The following EXOC6 variants were observed in gnomAD, a reference collection of about 807,000 sequenced individuals.
The protein encoded by EXOC6 is SEC15-like 1.
In EXOC6, 60 loss-of-function variants were observed where a neutral mutation model predicts 112.5. That is an observed-to-expected ratio of 0.53 (90% CI 0.43 to 0.66). EXOC6 has a LOEUF of 0.66. Ranked by LOEUF, EXOC6 falls within the 30% of genes least tolerant of loss-of-function variation. The pLI is 0.00. For missense variants in EXOC6, 855 were observed against 957.1 expected (o/e 0.89, Z 1.41); for synonymous variants, 295 against 308.0 (o/e 0.96, Z 0.44).
At chr10:92,939,626 C>T (rs1367627736) in intron 12 of EXOC6, among the ~76,000 whole-genome samples, 1 of 151,852 alleles carries the variant, frequency 6.6e-6, no homozygotes, top group Non-Finnish European at 1.5e-5. Flanking sequence ...TTTAGAGAGG[C>T]CTAGCTAGAG....
At chr10:92,916,207 A>G (rs1359192279) in intron 7 of EXOC6, among the ~76,000 whole-genome samples, 1 of 145,576 alleles carries the variant, frequency 6.9e-6, no homozygotes. Flanking sequence ...CTTACATGTG[A>G]ACACTTGTCT....
chr10:92,836,048 C>T (rs920600462), intron 1 of EXOC6, among the ~76,000 whole-genome samples: 2 of 152,124 alleles, frequency 1.3e-5, no homozygotes, highest in Non-Finnish European at 2.9e-5. Context: ...TGGTCAAGTG[C>T]CAGGTGCTAG....
chr10:92,920,523 C>T (rs1237260477), intron 8 of EXOC6, among the ~76,000 whole-genome samples: 1 of 152,098 alleles, frequency 6.6e-6, no homozygotes, highest in African/African-American at 2.4e-5. Context: ...TACCCATTAC[C>T]CACCCCTCCA....
At chr10:92,829,686 C>G (rs1846442546) in intron 1 of EXOC6, among the ~76,000 whole-genome samples, 1 of 152,140 alleles carries the variant, frequency 6.6e-6, no homozygotes, top group South Asian at 2.1e-4. Context: ...AGGCTGATAC[C>G]TACTGGGCTG....
intron 8 of EXOC6, 108 bp from the exon 9 acceptor site, chr10:92,928,231 T>G: frequency 3.4e-6 from 2 of 591,330 alleles, no homozygotes; most frequent in Non-Finnish European, 6.0e-6. Flanking sequence ...ATTAAACATT[T>G]ACATTCTAGT....
intron 1 of EXOC6, among the ~76,000 whole-genome samples, chr10:92,843,039 T>C (rs2133594314): frequency 6.6e-6 from 1 of 152,282 alleles, no homozygotes; most frequent in East Asian, 1.9e-4. Flanking sequence ...ATAAAAATAG[T>C]TGTTGAATGA....
chr10:92,982,269 C>G (rs1160058645), intron 18 of EXOC6, among the ~76,000 whole-genome samples: 1 of 152,048 alleles, frequency 6.6e-6, no homozygotes, highest in African/African-American at 2.4e-5. Context: ...TAAAAAAAAT[C>G]TATTAACAGG....
intron 5 of EXOC6, 67 bp from the exon 6 acceptor site, chr10:92,909,360 T>C: frequency 2.6e-6 from 3 of 1,166,942 alleles, no homozygotes; most frequent in Non-Finnish European, 3.7e-6. Flanking sequence ...ACTGATTATT[T>C]AGATTTACTT....
chr10:92,841,077 C>T (rs1589676102), intron 1 of EXOC6, among the ~76,000 whole-genome samples: 3 of 152,260 alleles, frequency 2.0e-5, no homozygotes, highest in South Asian at 4.1e-4. Context: ...TTAAAATCTA[C>T]TTTGAGCAAT....
At chr10:92,827,504 A>AAAAAAAAAAAAAAAAAAC (rs1846406089) in intron 1 of EXOC6, among the ~76,000 whole-genome samples, 1 of 150,292 alleles carries the variant, frequency 6.7e-6, no homozygotes, top group Non-Finnish European at 1.5e-5. Flanking sequence ...AAAAAAAAAA[A>AAAAAAAAAAAAAAAAAAC]AATCCCCATG....
At position 92,893,454 on chromosome 10, in the gene EXOC6, TC is replaced by T; in HGVS notation, c.208del (p.His70IlefsTer5). On this transcript the variant is annotated frameshift_variant, in exon 2 of 22. Coordinates refer to ENST00000260762, the MANE Select transcript of EXOC6 (RefSeq NM_019053.6). LOFTEE classifies it high-confidence loss of function. ...AAATTGAAAAGATGTGTAATTTTCA[TC>T]ATCAGGGTTTTGTAGATGCTATTAC... ...KEIEKMCNFH[H>X]QGFVDAITEL... 1 of 1,613,126 alleles carries T rather than the reference TC, an allele frequency of 6.2e-7. No homozygotes were observed. Among genetic ancestry groups the T allele is most frequent in the Non-Finnish European group, 8.5e-7 (1 of 1,179,384 alleles).
At chr10:93,050,924 G>T (rs1459776904) in intron 20 of EXOC6, among the ~76,000 whole-genome samples, 2 of 151,922 alleles carry the variant, frequency 1.3e-5, no homozygotes, top group African/African-American at 2.4e-5. Flanking sequence ...AGTTAAACAT[G>T]GTTACTTCTG....
intron 9 of EXOC6, among the ~76,000 whole-genome samples, chr10:92,931,391 T>G (rs1852029165): frequency 6.6e-6 from 1 of 151,684 alleles, no homozygotes; most frequent in South Asian, 2.1e-4. Flanking sequence ...TCAGGCTATT[T>G]TTTTTAGTTG....
At chr10:92,928,590 T>A (rs1589848977) in intron 9 of EXOC6, among the ~76,000 whole-genome samples, 168 bp downstream of exon 9, 1 of 150,280 alleles carries the variant, frequency 6.7e-6, no homozygotes, top group East Asian at 1.9e-4. Flanking sequence ...GTGAACCAAA[T>A]AGATAAGTCC....
intron 18 of EXOC6, among the ~76,000 whole-genome samples, chr10:92,986,889 T>C (rs1204160839): frequency 2.0e-5 from 3 of 152,100 alleles, no homozygotes; most frequent in Non-Finnish European, 2.9e-5. Context: ...GGCATATATG[T>C]ATTTAAATTG....
intron 1 of EXOC6, among the ~76,000 whole-genome samples, chr10:92,828,518 G>C (rs1846420969): frequency 6.6e-6 from 1 of 152,026 alleles, no homozygotes; most frequent in Non-Finnish European, 1.5e-5. Context: ...ATTTTTAGTA[G>C]AGACAGGGTT....
intron 1 of EXOC6, among the ~76,000 whole-genome samples, chr10:92,851,194 A>G (rs993026971): frequency 1.3e-5 from 2 of 152,250 alleles, no homozygotes; most frequent in African/African-American, 4.8e-5. Context: ...AAAGAGGAGC[A>G]AATGAAATTC....
chr10:93,013,188 T>C (rs1844337617), intron 19 of EXOC6, among the ~76,000 whole-genome samples: 1 of 152,168 alleles, frequency 6.6e-6, no homozygotes, highest in South Asian at 2.1e-4. Context: ...GTCTTTAGTT[T>C]AATTAAGTAA....
intron 6 of EXOC6, among the ~76,000 whole-genome samples, chr10:92,911,775 C>G (rs894060119): frequency 3.3e-5 from 5 of 152,072 alleles, no homozygotes; most frequent in African/African-American, 1.2e-4. Context: ...GAAATAACTT[C>G]CACAGAGTTG....
Sources: gnomAD v4.1 joint callset for allele counts (sites outside exome capture counted in the v4.1 genomes callset) on GRCh38, gnomAD v4.1.1 for gene constraint, MANE v1.5 for transcripts, NCBI Gene and HGNC (gene_info 2026-07-23, HGNC 2026-07-21) for gene names.